The following KIF13B variants were observed in gnomAD, a reference collection of about 807,000 sequenced individuals.
KIF13B encodes kinesin family member 13B.
KIF13B carries 127 observed loss-of-function variants against 222.0 expected under a neutral mutation model. That is an observed-to-expected ratio of 0.57 (90% CI 0.50 to 0.66). The LOEUF is 0.66. KIF13B is among the 30% of genes least tolerant of loss of function. The pLI is 0.00. For synonymous variants in KIF13B, 976 were observed against 919.0 expected (o/e 1.06, Z -1.12); for missense variants, 2,173 against 2,379.0 (o/e 0.91, Z 1.80).
chr8:29,103,573 C>T (rs1358589430), intron 35 of KIF13B, among the ~76,000 whole-genome samples: 2 of 151,994 alleles, frequency 1.3e-5, no homozygotes, highest in African/African-American at 4.8e-5. Context: ...TTATTTTAGG[C>T]CCTATGGTGA....
chr8:29,093,354 TA>T (rs1203243622), intron 36 of KIF13B, among the ~76,000 whole-genome samples: 1 of 152,156 alleles, frequency 6.6e-6, no homozygotes, highest in Non-Finnish European at 1.5e-5. Flanking sequence ...GGGAAAAGGG[TA>T]AAGGGTAGTG....
intron 2 of KIF13B, among the ~76,000 whole-genome samples, chr8:29,209,790 G>T (rs1814125845): frequency 6.7e-6 from 1 of 150,182 alleles, no homozygotes; most frequent in Non-Finnish European, 1.5e-5. Context: ...GGCGGCTCAT[G>T]TCTGTAATCC....
intron 2 of KIF13B, among the ~76,000 whole-genome samples, chr8:29,229,250 A>G (rs1224163886): frequency 6.6e-6 from 1 of 152,226 alleles, no homozygotes; most frequent in African/African-American, 2.4e-5. Context: ...TGTTTAGAGA[A>G]GAAACTCTTC....
chr8:29,131,028 A>T (rs1810319378), intron 23 of KIF13B, among the ~76,000 whole-genome samples: 1 of 152,204 alleles, frequency 6.6e-6, no homozygotes. Context: ...AGCAACTTGG[A>T]TACAGCTCGA....
intron 2 of KIF13B, among the ~76,000 whole-genome samples, chr8:29,222,788 A>C (rs895839392): frequency 1.3e-5 from 2 of 152,050 alleles, no homozygotes; most frequent in African/African-American, 4.8e-5. Flanking sequence ...TGTTTCACTT[A>C]GTGGCACTTT....
At position 29,127,122 on chromosome 8, in the gene KIF13B, A is replaced by G; in HGVS notation, c.3222T>C (p.His1074=). The G allele has an allele frequency of 6.2e-7, 1 of 1,613,528 alleles. No individual in the cohort carries two copies. Among genetic ancestry groups the G allele is most frequent in the Non-Finnish European group, 8.5e-7 (1 of 1,179,624 alleles). ...GAACATAACAGGTATAGAAACTTACATGGAAGGTCTCATGTGTTCTGGGGG... is the reference window on the plus strand; with the variant it reads ...GAACATAACAGGTATAGAAACTTACGTGGAAGGTCTCATGTGTTCTGGGGG... The part of the protein sequence containing the change: ...LRAPRTHETF[H]EEEEDMDSYQ... Residue 1074 remains histidine, a splice_region_variant and synonymous_variant, in exon 25 of 40, where the codon CAT becomes CAC. Transcript: ENST00000524189.
intron 21 of KIF13B, among the ~76,000 whole-genome samples, chr8:29,137,409 A>T (rs1169122010): frequency 6.6e-6 from 1 of 152,242 alleles, no homozygotes; most frequent in Non-Finnish European, 1.5e-5. Context: ...TTCAACTTGC[A>T]GCTGTTCAAG....
chr8:29,101,907 C>T (rs1241541798), intron 35 of KIF13B, among the ~76,000 whole-genome samples: 1 of 115,614 alleles, frequency 8.6e-6, no homozygotes, highest in Non-Finnish European at 1.9e-5. Context: ...ACTGGAATTA[C>T]TCACTCGATT....
chr8:29,099,084 A>G, intron 36 of KIF13B, 49 bp downstream of exon 36: 1 of 1,389,118 alleles, frequency 7.2e-7, no homozygotes, highest in Non-Finnish European at 1.0e-6. Context: ...AACTTTCTGA[A>G]AGATGCTCAG....
chr8:29,256,913 C>T (rs545171581), intron 1 of KIF13B, among the ~76,000 whole-genome samples: 8 of 152,270 alleles, frequency 5.3e-5, no homozygotes, highest in Admixed American at 5.2e-4. Context: ...CACCACCACA[C>T]CCAGCTAGTT....
chr8:29,148,750 T>A lies in KIF13B; in HGVS notation c.1640A>T (p.Lys547Met). Residue 547 changes from lysine to methionine, a missense_variant, in exon 16 of 40, where the codon AAG (lysine) becomes ATG (methionine). Coordinates refer to ENST00000524189, the MANE Select transcript of KIF13B (RefSeq NM_015254.4). ...ATCCTCTCGTTCTGCTTTCTTTTTC[T>A]TTTTAGGCAAATTGAGTCTTGGTGG... ...NHFFRLNLPK[K>M]KKKAEREDED... 4 of 1,597,516 alleles carry A rather than the reference T, an allele frequency of 2.5e-6. No individual in the cohort carries two copies. Among genetic ancestry groups the A allele is most frequent in the Middle Eastern group, 1.7e-4 (1 of 6,010 alleles).
chr8:29,108,503 C>T (rs933538557), intron 34 of KIF13B, among the ~76,000 whole-genome samples: 8 of 152,234 alleles, frequency 5.3e-5, no homozygotes, highest in African/African-American at 1.9e-4. Context: ...TACCAGGTTA[C>T]TTGTTATCTA....
chr8:29,111,049 TAGAAC>T (rs940280414), intron 32 of KIF13B, among the ~76,000 whole-genome samples: 2 of 152,214 alleles, frequency 1.3e-5, no homozygotes, highest in African/African-American at 2.4e-5. Context: ...AAATGAGTCT[TAGAAC>T]AGATAAAATG....
intron 3 of KIF13B, among the ~76,000 whole-genome samples, chr8:29,191,870 A>AT (rs2130354466): frequency 1.3e-5 from 2 of 152,122 alleles, no homozygotes; most frequent in East Asian, 1.9e-4. Context: ...GTGTTTTGTG[A>AT]TTTTTATCTC....
At chr8:29,173,831 C>A (rs1455353626) in intron 10 of KIF13B, among the ~76,000 whole-genome samples, 1 of 151,428 alleles carries the variant, frequency 6.6e-6, no homozygotes, top group African/African-American at 2.4e-5. Flanking sequence ...GTAATCCCAG[C>A]TACTCGGGAG....
chr8:29,172,589 A>G (rs190539720), intron 10 of KIF13B, among the ~76,000 whole-genome samples: 103 of 152,360 alleles, frequency 6.8e-4, no homozygotes, highest in African/African-American at 2.5e-3. Context: ...TGGTAATATG[A>G]AGTGAGTATC....
rs1810844281 is a variant in KIF13B, at chr8:29,142,158, G to A, written c.2333C>T (p.Pro778Leu). Reference sequence around the variant, plus strand: ...GTGATTTTCTCTTAAATAACTTACTGGGTTATCTTCTTCACACTCTTTCCA... The same window carrying A: ...GTGATTTTCTCTTAAATAACTTACTAGGTTATCTTCTTCACACTCTTTCCA... ...QEWKECEEDN[P>L]VIRSYFKRAD... The change falls in exon 19 of 40, where the codon CCA (proline) becomes CTA (leucine). Residue 778 changes from proline to leucine, a missense_variant and splice_region_variant. Around this residue, in one of 2 missense-constraint regions of KIF13B, gnomAD observed 1,480 missense variants for 1,722.8 expected, o/e 0.86. Transcript: ENST00000524189. The A allele has an allele frequency of 6.2e-7, 1 of 1,611,012 alleles. No individual in the cohort carries two copies. The highest frequency in any genetic ancestry group is 8.5e-7 in the Non-Finnish European group (1 of 1,177,698).
chr8:29,127,043 G>A (rs1200184929), intron 25 of KIF13B, 79 bp downstream of exon 25: 1 of 1,239,886 alleles, frequency 8.1e-7, no homozygotes, highest in Non-Finnish European at 1.1e-6. Context: ...TTCATAAAAA[G>A]TAGTTTCGTA....
At chr8:29,112,530 C>A (rs1809405389) in intron 32 of KIF13B, among the ~76,000 whole-genome samples, 1 of 152,086 alleles carries the variant, frequency 6.6e-6, no homozygotes, top group Admixed American at 6.5e-5. Context: ...ATCCTAAGCC[C>A]TGAAATGACG....
Sources: gnomAD v4.1 joint callset for allele counts (sites outside exome capture counted in the v4.1 genomes callset) on GRCh38, gnomAD v4.1.1 for gene constraint, gnomAD v4.1.1 regional missense constraint, MANE v1.5 for transcripts, NCBI Gene and HGNC (gene_info 2026-07-23, HGNC 2026-07-21) for gene names.